SORBS2: variants seen among roughly 807,000 people sequenced by gnomAD.
SORBS2 encodes the protein sorbin and SH3 domain-containing protein 2.
SORBS2 carries 46 observed loss-of-function variants against 97.7 expected under a neutral mutation model. That is an observed-to-expected ratio of 0.47 (90% CI 0.37 to 0.60). The LOEUF (loss-of-function observed/expected upper bound fraction) is 0.60, where lower values mean the gene tolerates loss of function less well. Ranked by LOEUF, SORBS2 falls within the 20% of genes least tolerant of loss-of-function variation. The probability of loss-of-function intolerance (pLI) is 0.00; values close to 1 mark genes in which losing one functional copy is unlikely to be tolerated. For synonymous variants in SORBS2, 476 were observed against 473.4 expected, an observed-to-expected ratio of 1.01 and a Z score of -0.07; for missense variants, 1,316 against 1,282.3, an observed-to-expected ratio of 1.03 and a Z score of -0.40.
chr4:185,874,866 T>TTTTTTTTTTTTTTTTTTGC (rs775209042), intron 1 of SORBS2, among the ~76,000 whole-genome samples: 1 of 113,424 alleles, frequency 8.8e-6, no homozygotes, highest in African/African-American at 2.8e-5. Context: ...TGATTTTTTT[T>TTTTTTTTTTTTTTTTTTGC]TTTTTTGCAT....
chr4:185,763,882 T>A (rs569437490), intron 2 of SORBS2, among the ~76,000 whole-genome samples: 1 of 152,342 alleles, frequency 6.6e-6, no homozygotes, highest in African/African-American at 2.4e-5. Context: ...ATAATTGGAA[T>A]GAGTCTATGG....
At chr4:185,920,350 C>T (rs886259658) in intron 1 of SORBS2, among the ~76,000 whole-genome samples, 1 of 152,164 alleles carries the variant, frequency 6.6e-6, no homozygotes, top group South Asian at 2.1e-4. Context: ...GGTTTGTGTA[C>T]TTGCATTTGC....
intron 1 of SORBS2, among the ~76,000 whole-genome samples, chr4:185,946,639 C>T (rs547120193): frequency 1.4e-4 from 22 of 152,316 alleles, no homozygotes; most frequent in African/African-American, 5.1e-4. Flanking sequence ...TCCATCTCCT[C>T]ATCCACCCTG....
At chr4:185,793,172 C>A (rs866466392) in intron 1 of SORBS2, among the ~76,000 whole-genome samples, 1 of 152,176 alleles carries the variant, frequency 6.6e-6, no homozygotes, top group Non-Finnish European at 1.5e-5. Context: ...TTTAGATCAG[C>A]CCAAGAAAAA....
chr4:185,878,172 A>C (rs759423266), intron 1 of SORBS2, among the ~76,000 whole-genome samples: 26 of 152,226 alleles, frequency 1.7e-4, no homozygotes, highest in African/African-American at 2.9e-4. Context: ...TTCTAGCTAA[A>C]GAGAAACTGA....
chr4:185,832,641 C>G (rs1358192825), intron 1 of SORBS2, among the ~76,000 whole-genome samples: 5 of 152,198 alleles, frequency 3.3e-5, no homozygotes, highest in African/African-American at 9.6e-5. Context: ...TAAAGTTACT[C>G]TCATCCCAAG....
intron 1 of SORBS2, among the ~76,000 whole-genome samples, chr4:185,874,711 T>C (rs1351429938): frequency 6.6e-6 from 1 of 152,116 alleles, no homozygotes; most frequent in African/African-American, 2.4e-5. Context: ...ATGTATTTCA[T>C]CATTGTGTTC....
At chr4:185,899,639 G>T (rs1181904575) in intron 1 of SORBS2, among the ~76,000 whole-genome samples, 1 of 152,074 alleles carries the variant, frequency 6.6e-6, no homozygotes, top group African/African-American at 2.4e-5. Context: ...CACTCCCAGA[G>T]CCAAGATTGT....
At chr4:185,858,055 TA>T in intron 1 of SORBS2, among the ~76,000 whole-genome samples, 1 of 152,280 alleles carries the variant, frequency 6.6e-6, no homozygotes, top group South Asian at 2.1e-4. Flanking sequence ...AAATCCCTAA[TA>T]AAAACTCGCT....
intron 1 of SORBS2, among the ~76,000 whole-genome samples, chr4:185,905,683 T>C (rs1265883307): frequency 6.6e-6 from 1 of 151,916 alleles, no homozygotes; most frequent in East Asian, 1.9e-4. Context: ...AGGCTGGTCT[T>C]GTACTCTTGG....
At chr4:185,709,478 C>T (rs1327188419) in intron 2 of SORBS2, among the ~76,000 whole-genome samples, 1 of 151,914 alleles carries the variant, frequency 6.6e-6, no homozygotes, top group Non-Finnish European at 1.5e-5. Flanking sequence ...GTTGGTAATA[C>T]ATGTTGTTAC....
chr4:185,626,710 T>C (rs1001766936), intron 6 of SORBS2, 122 bp downstream of exon 18: 3 of 944,790 alleles, frequency 3.2e-6, no homozygotes, highest in African/African-American at 3.3e-5. Flanking sequence ...AAAACTATAT[T>C]TTATTCCAGA....
chr4:185,827,200 AT>A (rs2099200875), intron 1 of SORBS2, among the ~76,000 whole-genome samples: 1 of 128,668 alleles, frequency 7.8e-6, no homozygotes, highest in East Asian at 2.0e-4. Flanking sequence ...CATCATCATC[AT>A]CACCATCATC....
At chr4:185,596,706 T>C (rs1382312743) in intron 12 of SORBS2, among the ~76,000 whole-genome samples, 1 of 151,980 alleles carries the variant, frequency 6.6e-6, no homozygotes, top group Non-Finnish European at 1.5e-5. Flanking sequence ...AGCTAATTTT[T>C]GTATTTTTAG....
chr4:185,881,112 T>C (rs2099236648), intron 1 of SORBS2, among the ~76,000 whole-genome samples: 1 of 152,180 alleles, frequency 6.6e-6, no homozygotes, highest in African/African-American at 2.4e-5. Flanking sequence ...TGCAAGGACT[T>C]AGTAATGTAA....
intron 1 of SORBS2, among the ~76,000 whole-genome samples, chr4:185,798,402 C>T (rs2099115568): frequency 6.6e-6 from 1 of 152,084 alleles, no homozygotes; most frequent in African/African-American, 2.4e-5. Flanking sequence ...CTGATAATGA[C>T]ATTTAGGCCA....
intron 1 of SORBS2, among the ~76,000 whole-genome samples, chr4:185,915,656 A>G (rs946578251): frequency 6.6e-6 from 1 of 151,882 alleles, no homozygotes; most frequent in Non-Finnish European, 1.5e-5. Context: ...GGAATTCCCT[A>G]TGTGCTACAC....
chr4:185,594,780 C>T (rs1264088745), intron 12 of SORBS2, among the ~76,000 whole-genome samples: 6 of 152,168 alleles, frequency 3.9e-5, no homozygotes, highest in Non-Finnish European at 7.4e-5. Flanking sequence ...TTTATATTGA[C>T]TACCTAAACT....
At position 185,858,199 on chromosome 4, in the gene SORBS2, G is replaced by A. The variant is rs367610429; in HGVS notation, c.-337-82833C>T. On this transcript the variant is annotated intron_variant, in intron 1 of 20. Transcript: ENST00000284776. ...GACCGGCTGACACTTAGGGAAAATA[G>A]AAAAGAACCTACGTTGAAATATTGG... is the stretch of plus-strand genomic sequence containing the variant. Among the ~76,000 whole-genome samples the A allele has an allele frequency of 2.4e-3, 363 of 152,224 alleles. 2 individuals are homozygous for A. Among genetic ancestry groups the A allele is most frequent in the Non-Finnish European group, 2.9e-3 (197 of 68,004 alleles).
Sources: gnomAD v4.1 joint callset for allele counts (sites outside exome capture counted in the v4.1 genomes callset) on GRCh38, gnomAD v4.1.1 for gene constraint, MANE v1.5 for transcripts, NCBI Gene and HGNC (gene_info 2026-07-23, HGNC 2026-07-21) for gene names.